The following SND1 variants were observed in gnomAD, a reference collection of about 807,000 sequenced individuals.
SND1 encodes the protein staphylococcal nuclease and tudor domain containing 1, also known as staphylococcal nuclease domain-containing protein 1.
SND1 carries 38 observed loss-of-function variants against 121.7 expected under a neutral mutation model. That is an observed-to-expected ratio of 0.31 (90% CI 0.24 to 0.41). SND1 has a LOEUF of 0.41. Among genes scored for constraint, SND1 ranks in the 10% least tolerant of loss-of-function variants. The pLI is 1.00. For missense variants in SND1, 868 were observed against 1,184.6 expected (o/e 0.73, Z 3.92); for synonymous variants, 401 against 447.4 (o/e 0.90, Z 1.31).
chr7:127,826,226 A>G (rs1466157255), intron 11 of SND1, among the ~76,000 whole-genome samples: 1 of 152,208 alleles, frequency 6.6e-6, no homozygotes, highest in African/African-American at 2.4e-5. Flanking sequence ...GATTCTGAAC[A>G]TCTCCTCACA....
intron 18 of SND1, among the ~76,000 whole-genome samples, chr7:128,082,114 C>T (rs1466157395): frequency 6.6e-6 from 1 of 152,152 alleles, no homozygotes; most frequent in Non-Finnish European, 1.5e-5. Context: ...TGGGCAGAGA[C>T]CTGGGGTTTC....
At chr7:128,056,596 T>C (rs1295245269) in intron 16 of SND1, among the ~76,000 whole-genome samples, 1 of 152,164 alleles carries the variant, frequency 6.6e-6, no homozygotes, top group Non-Finnish European at 1.5e-5. Context: ...CAAAGTCAAA[T>C]AGTTTTCTGC....
At chr7:127,776,949 T>C (rs1797631831) in intron 10 of SND1, among the ~76,000 whole-genome samples, 1 of 152,236 alleles carries the variant, frequency 6.6e-6, no homozygotes, top group South Asian at 2.1e-4. Context: ...TTGGGATCTG[T>C]GGGTTCAGGG....
chr7:127,811,644 T>C (rs1798336815), intron 11 of SND1, among the ~76,000 whole-genome samples: 1 of 152,170 alleles, frequency 6.6e-6, no homozygotes, highest in Admixed American at 6.6e-5. Flanking sequence ...GGTGTTAGAC[T>C]ACCTCCTCGT....
At chr7:128,024,195 TC>T (rs1397381382) in intron 16 of SND1, among the ~76,000 whole-genome samples, 1 of 151,962 alleles carries the variant, frequency 6.6e-6, no homozygotes, top group Non-Finnish European at 1.5e-5. Flanking sequence ...AAAACATTCT[TC>T]CCCTTGCATA....
intron 13 of SND1, among the ~76,000 whole-genome samples, chr7:127,902,809 T>G (rs1483033557): frequency 6.6e-6 from 1 of 151,686 alleles, no homozygotes; most frequent in Non-Finnish European, 1.5e-5. Context: ...CTCCACCTCC[T>G]GAGTTCAAGC....
At chr7:128,055,421 A>C (rs1304547316) in intron 16 of SND1, among the ~76,000 whole-genome samples, 1 of 151,996 alleles carries the variant, frequency 6.6e-6, no homozygotes, top group Non-Finnish European at 1.5e-5. Flanking sequence ...GCAGGGGAGG[A>C]AGGAAATGGG....
chr7:128,035,683 C>G (rs560692712), intron 16 of SND1, among the ~76,000 whole-genome samples: 8 of 152,216 alleles, frequency 5.3e-5, no homozygotes, highest in African/African-American at 1.7e-4. Flanking sequence ...CTAATGTGGG[C>G]TTGTATGCCA....
chr7:127,709,121 C>T (rs1796255052), intron 9 of SND1, among the ~76,000 whole-genome samples: 1 of 152,130 alleles, frequency 6.6e-6, no homozygotes, highest in Non-Finnish European at 1.5e-5. Context: ...GGGACTTGCA[C>T]CTGTTGGGAT....
intron 16 of SND1, among the ~76,000 whole-genome samples, chr7:127,993,407 T>C (rs1802564873): frequency 6.6e-6 from 1 of 152,260 alleles, no homozygotes; most frequent in Admixed American, 6.5e-5. Context: ...TTGGTACTCC[T>C]GGATGCAGAG....
intron 10 of SND1, among the ~76,000 whole-genome samples, chr7:127,765,772 A>G (rs1178334299): frequency 1.3e-5 from 2 of 152,188 alleles, no homozygotes; most frequent in Admixed American, 6.5e-5. Context: ...GTAACCATCA[A>G]TTGAATGGGC....
chr7:127,996,469 C>A (rs866134684), intron 16 of SND1, among the ~76,000 whole-genome samples: 3 of 152,182 alleles, frequency 2.0e-5, no homozygotes, highest in South Asian at 4.2e-4. Context: ...CTTAGCCCTT[C>A]CCATTCCATC....
chr7:127,846,390 G>A (rs1013413141), intron 12 of SND1, among the ~76,000 whole-genome samples: 1 of 152,138 alleles, frequency 6.6e-6, no homozygotes, highest in Admixed American at 6.5e-5. Context: ...TACCTGGAAA[G>A]CATTATGAGT....
intron 10 of SND1, among the ~76,000 whole-genome samples, chr7:127,744,885 T>A (rs1270512092): frequency 2.0e-5 from 3 of 152,210 alleles, no homozygotes; most frequent in African/African-American, 4.8e-5. Flanking sequence ...AACTCTGAGA[T>A]GAACACGACT....
At chr7:127,796,917 G>A (rs1251897055) in intron 10 of SND1, among the ~76,000 whole-genome samples, 2 of 55,714 alleles carry the variant, frequency 3.6e-5, no homozygotes, top group African/African-American at 1.4e-4. Flanking sequence ...TTTTGCTATT[G>A]AGTCTCTCTC....
chr7:128,045,832 T>C (rs930083794), intron 16 of SND1, among the ~76,000 whole-genome samples: 2 of 152,214 alleles, frequency 1.3e-5, no homozygotes, highest in African/African-American at 4.8e-5. Context: ...ATGATTGCCA[T>C]AGCTCTAGGC....
intron 10 of SND1, among the ~76,000 whole-genome samples, chr7:127,804,743 A>T (rs1372778792): frequency 2.7e-5 from 2 of 74,796 alleles, no homozygotes; most frequent in South Asian, 6.0e-4. Context: ...CCATATCTTT[A>T]AAAAAAAAAA....
intron 1 of SND1, among the ~76,000 whole-genome samples, chr7:127,678,256 C>G (rs1441807945): frequency 6.6e-6 from 1 of 152,198 alleles, no homozygotes; most frequent in African/African-American, 2.4e-5. Context: ...TACTTTACCT[C>G]TCTTGCTCTC....
At chr7:127,731,548 C>T (rs1204188598) in intron 10 of SND1, among the ~76,000 whole-genome samples, 1 of 152,126 alleles carries the variant, frequency 6.6e-6, no homozygotes, top group African/African-American at 2.4e-5. Flanking sequence ...CTTCACTCTC[C>T]TAAAGCTTTT....
Sources: allele counts gnomAD v4.1 joint callset (sites outside exome capture counted in the v4.1 genomes callset), GRCh38; gene constraint gnomAD v4.1.1; transcripts MANE v1.5; gene names NCBI Gene and HGNC (gene_info 2026-07-23, HGNC 2026-07-21).